FGD4: variants seen among roughly 807,000 people sequenced by gnomAD.
The protein encoded by FGD4 is FYVE, RhoGEF and PH domain-containing protein 4.
A neutral mutation model predicts 102.0 loss-of-function variants in FGD4; 42 were observed. The observed-to-expected ratio is 0.41, with a 90% CI of 0.32 to 0.53. FGD4 has a LOEUF of 0.53. FGD4 is among the 20% of genes least tolerant of loss of function. FGD4 has a pLI of 0.21. For missense variants in FGD4, 902 were observed against 1,078.2 expected (o/e 0.84, Z 2.29); for synonymous variants, 380 against 375.7 (o/e 1.01, Z -0.13).
chr12:32,419,911 A>G (rs559648875), intron 1 of FGD4, among the ~76,000 whole-genome samples: 1 of 151,074 alleles, frequency 6.6e-6, no homozygotes, highest in South Asian at 2.1e-4. Flanking sequence ...AAAGCACAAA[A>G]TCTGCACGTG....
intron 1 of FGD4, among the ~76,000 whole-genome samples, chr12:32,475,943 A>G (rs1015789667): frequency 2.6e-5 from 4 of 152,232 alleles, no homozygotes; most frequent in African/African-American, 9.6e-5. Flanking sequence ...AAAAGGAACC[A>G]AACAGTTCCT....
At chr12:32,581,584 G>C (rs1479499933) in intron 3 of FGD4, among the ~76,000 whole-genome samples, 1 of 152,118 alleles carries the variant, frequency 6.6e-6, no homozygotes, top group African/African-American at 2.4e-5. Context: ...AGGAAGAGAT[G>C]ATAAATACGT....
intron 11 of FGD4, among the ~76,000 whole-genome samples, chr12:32,621,388 G>T (rs1949837233): frequency 6.6e-6 from 1 of 152,180 alleles, no homozygotes; most frequent in African/African-American, 2.4e-5. Context: ...AGCAGAGGGT[G>T]AAGAACCAAT....
intron 1 of FGD4, among the ~76,000 whole-genome samples, chr12:32,559,340 G>A (rs1482409280): frequency 1.3e-5 from 2 of 152,096 alleles, no homozygotes; most frequent in Non-Finnish European, 2.9e-5. Context: ...CCAGTGGTCC[G>A]TACATTTTTT....
rs748839728 is a variant in FGD4 at position 32,607,943 on chromosome 12, C to T, written c.1405-14C>T. The T allele has an allele frequency of 6.2e-7, 1 of 1,614,088 alleles. No homozygotes were observed. Among genetic ancestry groups the T allele is most frequent in the Non-Finnish European group, 8.5e-7 (1 of 1,180,006 alleles). On this transcript the variant is annotated splice_polypyrimidine_tract_variant and intron_variant, in intron 7 of 16. Transcript: ENST00000534526. ...AATTTTTAAATGTTTCTTAGAAAAC[C>T]TTTCTCATTACAGAAACAGAAAATC...
At chr12:32,540,740 T>C (rs1421397322) in intron 1 of FGD4, among the ~76,000 whole-genome samples, 1 of 152,038 alleles carries the variant, frequency 6.6e-6, no homozygotes, top group Non-Finnish European at 1.5e-5. Context: ...TAATTTTGTA[T>C]TTTTAGTAGA....
intron 1 of FGD4, among the ~76,000 whole-genome samples, chr12:32,423,861 G>GTT (rs200097919): frequency 2.1e-5 from 3 of 139,950 alleles, no homozygotes; most frequent in African/African-American, 5.2e-5. Context: ...TGGTGGGAGT[G>GTT]TTTTTTTTTT....
intron 1 of FGD4, among the ~76,000 whole-genome samples, chr12:32,550,888 A>C (rs114513328): frequency 0.011 from 1,672 of 152,222 alleles, 37 homozygotes; most frequent in African/African-American, 0.038. Context: ...ATTATGATTA[A>C]ATTATTTGAG....
chr12:32,442,977 G>C (rs1469415663), intron 1 of FGD4, among the ~76,000 whole-genome samples: 1 of 152,152 alleles, frequency 6.6e-6, no homozygotes, highest in Non-Finnish European at 1.5e-5. Flanking sequence ...GCCATTTGTT[G>C]TCTTGACAGA....
intron 1 of FGD4, among the ~76,000 whole-genome samples, chr12:32,489,719 C>T (rs1371941623): frequency 6.6e-6 from 1 of 152,112 alleles, no homozygotes; most frequent in Admixed American, 6.5e-5. Context: ...CACATTATTC[C>T]TGATCCTGAG....
chr12:32,502,401 T>C, intron 1 of FGD4: 3 of 945,116 alleles, frequency 3.2e-6, no homozygotes, highest in African/African-American at 1.8e-5. Flanking sequence ...ATTATCTCCA[T>C]GTGGTCCAAG....
At chr12:32,413,033 C>T (rs1304501275) in intron 1 of FGD4, among the ~76,000 whole-genome samples, 1 of 147,474 alleles carries the variant, frequency 6.8e-6, no homozygotes, top group African/African-American at 2.5e-5. Flanking sequence ...GCCATAATTG[C>T]GCCACTGCAC....
intron 1 of FGD4, among the ~76,000 whole-genome samples, chr12:32,510,819 A>T (rs1172658056): frequency 6.6e-6 from 1 of 152,242 alleles, no homozygotes; most frequent in Non-Finnish European, 1.5e-5. Context: ...GTGGAACTAA[A>T]TGACTTCAAA....
chr12:32,615,123 A>T (rs1317060553), intron 10 of FGD4, among the ~76,000 whole-genome samples: 1 of 152,230 alleles, frequency 6.6e-6, no homozygotes, highest in Non-Finnish European at 1.5e-5. Context: ...TGTTCATGCA[A>T]TGAAATAGTA....
intron 1 of FGD4, among the ~76,000 whole-genome samples, chr12:32,549,323 T>C (rs1390868727): frequency 6.6e-6 from 1 of 152,182 alleles, no homozygotes; most frequent in Non-Finnish European, 1.5e-5. Flanking sequence ...CCAGGGCCTG[T>C]GGCATGTGCT....
At chr12:32,557,514 G>C (rs911276894) in intron 1 of FGD4, among the ~76,000 whole-genome samples, 1 of 152,134 alleles carries the variant, frequency 6.6e-6, no homozygotes, top group Non-Finnish European at 1.5e-5. Flanking sequence ...ATGTTCTATA[G>C]TGTTATATTT....
intron 7 of FGD4, among the ~76,000 whole-genome samples, chr12:32,603,895 G>A (rs1434526491): frequency 6.6e-6 from 1 of 151,844 alleles, no homozygotes; most frequent in Non-Finnish European, 1.5e-5. Flanking sequence ...ATAGAAACAA[G>A]GTCTGGCTAT....
chr12:32,424,844 T>C (rs1941776471), intron 1 of FGD4, among the ~76,000 whole-genome samples: 2 of 152,240 alleles, frequency 1.3e-5, no homozygotes, highest in Admixed American at 6.5e-5. Context: ...TTTTTTCATA[T>C]GTTTGTTGCC....
chr12:32,502,042 T>A, intron 1 of FGD4: 1 of 985,482 alleles, frequency 1.0e-6, no homozygotes, highest in Non-Finnish European at 1.2e-6. Context: ...TTTGCAAGGC[T>A]GGAGCACAAA....
Sources: allele counts gnomAD v4.1 joint callset (sites outside exome capture counted in the v4.1 genomes callset), GRCh38; gene constraint gnomAD v4.1.1; transcripts MANE v1.5; gene names NCBI Gene and HGNC (gene_info 2026-07-23, HGNC 2026-07-21).